Variants in THOC2 observed in about 807,000 individuals in gnomAD.
The protein encoded by THOC2 is THO complex 2.
THOC2 carries 10 observed loss-of-function variants against 128.4 expected under a neutral mutation model. That is an observed-to-expected ratio of 0.08 (90% CI 0.05 to 0.13). The LOEUF is 0.13. THOC2 is among the 10% of genes least tolerant of loss of function. The probability of loss-of-function intolerance (pLI) is 1.00; values close to 1 mark genes in which losing one functional copy is unlikely to be tolerated. For missense variants in THOC2, 535 were observed against 1,155.7 expected (o/e 0.46, Z 7.79); for synonymous variants, 393 against 396.9 (o/e 0.99, Z 0.12).
At chrX:123,731,317 G>T (rs1229358289) in intron 1 of THOC2, among the ~76,000 whole-genome samples, 1 of 111,412 alleles carries the variant, frequency 9.0e-6, no homozygotes, top group African/African-American at 3.3e-5. Context: ...GGCTGGGGGG[G>T]CGGGGCATGT....
At chrX:123,678,799 C>G (rs946095157) in intron 8 of THOC2, among the ~76,000 whole-genome samples, 1 of 110,157 alleles carries the variant, frequency 9.1e-6, no homozygotes, top group Non-Finnish European at 1.9e-5. Context: ...CTCCTAACCT[C>G]CAATACCTCC....
At chrX:123,702,188 A>G (rs977901753) in intron 4 of THOC2, among the ~76,000 whole-genome samples, 1 of 111,505 alleles carries the variant, frequency 9.0e-6, no homozygotes, top group African/African-American at 3.3e-5. Flanking sequence ...TAATCCCAGC[A>G]TTTTGGAAGG....
intron 13 of THOC2, 49 bp from the exon 14 acceptor site, chrX:123,644,958 T>C: frequency 9.8e-7 from 1 of 1,019,670 alleles, no homozygotes; most frequent in Admixed American, 2.9e-5. Context: ...TATATTAATA[T>C]AACCAACAAT....
intron 1 of THOC2, among the ~76,000 whole-genome samples, chrX:123,716,763 T>C (rs1372955752): frequency 9.8e-6 from 1 of 102,185 alleles, no homozygotes; most frequent in Admixed American, 1.1e-4. Flanking sequence ...CCGAGTGTGA[T>C]GGCGTGCGTC....
intron 8 of THOC2, among the ~76,000 whole-genome samples, chrX:123,680,060 C>T (rs1237169409): frequency 2.7e-5 from 3 of 111,682 alleles, no homozygotes; most frequent in Non-Finnish European, 5.7e-5. Context: ...AAGACCTGAC[C>T]GTCCCCCAGT....
chrX:123,628,116 T>C (rs2498051), intron 22 of THOC2, 148 bp from the exon 23 acceptor site: 177,606 of 493,135 alleles, frequency 0.36, 23,231 homozygotes, highest in East Asian at 0.72. Context: ...TAGTTTCTTA[T>C]GAACAACGTT....
At chrX:123,691,045 C>G (rs752311274) in intron 7 of THOC2, among the ~76,000 whole-genome samples, 9 of 111,268 alleles carry the variant, frequency 8.1e-5, no homozygotes, top group African/African-American at 2.9e-4. Context: ...AACCCCATCT[C>G]TACAAAAAAT....
intron 33 of THOC2, among the ~76,000 whole-genome samples, chrX:123,617,769 G>A (rs2046948653): frequency 9.0e-6 from 1 of 111,481 alleles, no homozygotes; most frequent in African/African-American, 3.2e-5. Context: ...TTCAAAGTAT[G>A]TTTCAGTAAA....
chrX:123,661,082 A>G (rs1162251605), intron 12 of THOC2, among the ~76,000 whole-genome samples: 2 of 112,648 alleles, frequency 1.8e-5, no homozygotes, highest in East Asian at 5.6e-4. Context: ...GACAAATATC[A>G]TATGTTCTCA....
intron 15 of THOC2, among the ~76,000 whole-genome samples, chrX:123,641,552 A>T (rs777107443): frequency 3.0e-4 from 34 of 111,567 alleles, no homozygotes; most frequent in African/African-American, 1.1e-3. Context: ...TTTAAAAGTT[A>T]GCTATACAGT....
intron 4 of THOC2, 90 bp downstream of exon 4, chrX:123,703,364 T>G: frequency 1.7e-6 from 1 of 582,550 alleles, no homozygotes; most frequent in South Asian, 3.8e-5. Context: ...CAGAAACATT[T>G]GTAAAATTCT....
At chrX:123,663,940 A>T (rs1424664920) in intron 12 of THOC2, among the ~76,000 whole-genome samples, 3 of 111,571 alleles carry the variant, frequency 2.7e-5, no homozygotes, top group African/African-American at 9.8e-5. Context: ...CCTGCAAAGG[A>T]CATGAACTCA....
At chrX:123,646,193 A>C (rs2048122143) in intron 12 of THOC2, among the ~76,000 whole-genome samples, 1 of 112,210 alleles carries the variant, frequency 8.9e-6, no homozygotes, top group Non-Finnish European at 1.9e-5. Flanking sequence ...ACAAAGACAA[A>C]ACCATTGCTT....
intron 1 of THOC2, among the ~76,000 whole-genome samples, chrX:123,714,332 C>T (rs2051317629): frequency 1.8e-5 from 2 of 112,005 alleles, no homozygotes; most frequent in African/African-American, 6.5e-5. Context: ...CACAGATAGG[C>T]TGAAAGTGAA....
intron 12 of THOC2, among the ~76,000 whole-genome samples, chrX:123,664,528 T>C (rs1007643592): frequency 8.1e-5 from 9 of 111,590 alleles, no homozygotes; most frequent in Non-Finnish European, 1.3e-4. Flanking sequence ...AACAACCCCA[T>C]CAACAAGTGG....
intron 8 of THOC2, among the ~76,000 whole-genome samples, chrX:123,681,701 T>C (rs1395573113): frequency 8.9e-6 from 1 of 112,257 alleles, no homozygotes. Context: ...AAATACAACA[T>C]GTGGTCTTTG....
At chrX:123,658,757 C>T (rs1162578046) in intron 12 of THOC2, among the ~76,000 whole-genome samples, 1 of 111,753 alleles carries the variant, frequency 8.9e-6, no homozygotes, top group Non-Finnish European at 1.9e-5. Flanking sequence ...ATATTCTATA[C>T]ATTTGATGAG....
chrX:123,627,670 G>A, intron 23 of THOC2, 23 bp downstream of exon 23: 1 of 1,198,686 alleles, frequency 8.3e-7, no homozygotes, highest in Middle Eastern at 2.4e-4. Context: ...TATTGCACTT[G>A]AACTACTAGA....
At chrX:123,625,035 C>T in intron 25 of THOC2, among the ~76,000 whole-genome samples, 1 of 110,930 alleles carries the variant, frequency 9.0e-6, no homozygotes, top group Middle Eastern at 4.6e-3. Context: ...AGAGGAAATG[C>T]TGATAGAAAT....
Sources: allele counts gnomAD v4.1 joint callset (sites outside exome capture counted in the v4.1 genomes callset), GRCh38; gene constraint gnomAD v4.1.1; transcripts MANE v1.5; gene names NCBI Gene and HGNC (gene_info 2026-07-23, HGNC 2026-07-21).